Variants in EMC10 observed in about 807,000 individuals in gnomAD.
The protein encoded by EMC10 is ER membrane protein complex subunit 10.
EMC10 carries 40 observed loss-of-function variants against 32.2 expected under a neutral mutation model. The ratio of observed to expected loss-of-function variants is 1.24; its 90% CI spans 0.96 to 1.61. The LOEUF is 1.61. Among genes scored for constraint, EMC10 ranks in the 40% most tolerant of loss-of-function variants. The pLI, the probability that EMC10 is intolerant of heterozygous loss-of-function variation, is 0.00. For synonymous variants in EMC10, 178 were observed against 158.4 expected (o/e 1.12, Z -0.93); for missense variants, 402 against 357.7 (o/e 1.12, Z -1.00).
At chr19:50,478,040 G>A in intron 2 of EMC10, 39 bp downstream of exon 2, 1 of 1,534,966 alleles carries the variant, frequency 6.5e-7, no homozygotes, top group South Asian at 1.2e-5. Flanking sequence ...ACTTAACATT[G>A]GTGCCCTGAG....
intron 1 of EMC10, chr19:50,477,234 C>T (rs2122653927): frequency 6.6e-6 from 1 of 152,484 alleles, no homozygotes; most frequent in African/African-American, 2.4e-5. Context: ...GAAACCCCGT[C>T]TCTACTAAAA....
At position 50,480,936 on chromosome 19, in the gene EMC10, G is replaced by A. The variant is rs745782005; in HGVS notation, c.637G>A (p.Ala213Thr). Residue 213 changes from alanine (A) to threonine (T), a missense_variant, in exon 6 of 7, where the codon GCC becomes ACC. By Grantham distance (58) the Ala-to-Thr change is moderately conservative. Coordinates refer to ENST00000334976, the MANE Select transcript of EMC10 (RefSeq NM_206538.4). This position sits in a 1 kb window ranked among gnomAD's most constrained non-coding sequence, Gnocchi z 4.4. ...ERLEMEQAQK[A>T]KNPQEQKSFF... ...CCTGGAGATGGAACAGGCCCAGAAG[G>A]CCAAGAACCCCCAGGAGCAGAAGTC... 1.1e-5 allele frequency: 17 copies of A among 1,612,832 alleles called. No individual in the cohort carries two copies. The Middle Eastern group carries it at 4.9e-4, about 47-fold the overall frequency.
At chr19:50,477,908 G>T in intron 1 of EMC10, 21 bp from the exon 2 acceptor site, 1 of 1,591,528 alleles carries the variant, frequency 6.3e-7, no homozygotes, top group East Asian at 2.3e-5. Context: ...CCTCACCTGG[G>T]GCCTTCTGTG....
At position 50,481,955 on chromosome 19, in the gene EMC10, C is replaced by T. The variant is rs751453975; in HGVS notation, c.679-194C>T. ...CCGCCACAGGAGGCCTGAGTGAGGACCGAGACCCCTGCCCCTCCCTGCGCC... is the reference window on the plus strand; with the variant it reads ...CCGCCACAGGAGGCCTGAGTGAGGATCGAGACCCCTGCCCCTCCCTGCGCC... On this transcript the variant is annotated intron_variant, in intron 6 of 6. Transcript: ENST00000334976. The T allele has an allele frequency of 6.8e-6, 11 of 1,608,022 alleles. No individual in the cohort carries two copies. The Admixed American group carries it at 1.5e-4, about 22-fold the overall frequency.
Position 50,477,967 on chromosome 19 carries a change from G to A in EMC10, c.153G>A (p.Thr51=), listed in dbSNP as rs1400645278. ...AEGREGEACG[T]VGLLLEHSFE... ...GTCGAGAGGGCGAGGCCTGTGGCAC[G>A]GTGGGGCTGCTGCTGGAGCACTCAT... The change falls in exon 2 of 7, where the codon ACG becomes ACA. Residue 51 remains threonine (T), a synonymous_variant. Coordinates refer to ENST00000334976, the MANE Select transcript of EMC10 (RefSeq NM_206538.4). 5 of 1,602,410 alleles carry A rather than the reference G, an allele frequency of 3.1e-6. No homozygotes were observed. Among genetic ancestry groups the A allele is most frequent in the Admixed American group, 1.8e-5 (1 of 56,592 alleles).
At chr19:50,477,492 G>C (rs1260832792) in intron 1 of EMC10, among the ~76,000 whole-genome samples, 1 of 152,224 alleles carries the variant, frequency 6.6e-6, no homozygotes, top group Non-Finnish European at 1.5e-5. Flanking sequence ...CAAGTTTGGA[G>C]GTTGGAGAAA....
chr19:50,483,309 G>A lies in EMC10; in HGVS notation c.*1050G>A, dbSNP rs1601329999. 2 of 353,006 alleles carry A rather than the reference G, an allele frequency of 5.7e-6. No homozygotes were observed. Among genetic ancestry groups the A allele is most frequent in the South Asian group, 2.1e-5 (1 of 46,648 alleles). The allele number at this position is 353,006 out of a possible 1,614,324, so 21.9% of individuals were successfully genotyped here. On this transcript the variant is annotated 3_prime_UTR_variant, in exon 7 of 7. Coordinates refer to ENST00000334976, the MANE Select transcript of EMC10 (RefSeq NM_206538.4). ...ATGTGGCTGTGTGGAGCTCAGCTGT[G>A]TTGTGTGGCAGTTTATTAAACTGTC... is the stretch of plus-strand genomic sequence containing the variant.
Position 50,490,173 on chromosome 19 carries a change from G to A in EMC10, c.*7914G>A, listed in dbSNP as rs929486835. 3 of 151,768 alleles carry A rather than the reference G, an allele frequency of 2.0e-5. No homozygotes were observed. The highest frequency in any genetic ancestry group is 7.3e-5 in the African/African-American group (3 of 41,278). 9.4% of individuals were successfully genotyped at this position (151,768 alleles called of 1,614,324 possible). Reference sequence around the variant, plus strand: ...TGTGTTGCCCAAGCTAGAGTGCAGTGGCGCGATCTCGGCTCACTGCAAACT... The same window carrying A: ...TGTGTTGCCCAAGCTAGAGTGCAGTAGCGCGATCTCGGCTCACTGCAAACT... On this transcript the variant is annotated 3_prime_UTR_variant, in exon 7 of 7. Coordinates refer to ENST00000334976, the MANE Select transcript of EMC10 (RefSeq NM_206538.4).
chr19:50,478,642 C>A (rs927383793), intron 2 of EMC10, among the ~76,000 whole-genome samples: 1 of 152,154 alleles, frequency 6.6e-6, no homozygotes, highest in Non-Finnish European at 1.5e-5. Flanking sequence ...TTCCTGAACT[C>A]CACAGCCTCC....
chr19:50,477,153 A>T (rs988014295), intron 1 of EMC10: 2 of 152,662 alleles, frequency 1.3e-5, no homozygotes, highest in African/African-American at 4.8e-5. Context: ...TTGTAATCCC[A>T]GCACTTCGGG....
intron 2 of EMC10, among the ~76,000 whole-genome samples, chr19:50,478,284 G>A (rs965001390): frequency 2.6e-5 from 4 of 152,180 alleles, no homozygotes; most frequent in Non-Finnish European, 2.9e-5. Context: ...GCGGTTCCAC[G>A]CTTTGCAAGT....
rs1555801737 is a variant in EMC10 at position 50,488,311 on chromosome 19, A to AAG, written c.*6053_*6054insGA. The AAG allele has an allele frequency of 3.3e-5, 5 of 149,996 alleles. No homozygotes were observed. Among genetic ancestry groups the AAG allele is most frequent in the Non-Finnish European group, 7.4e-5 (5 of 67,846 alleles). 9.3% of individuals were successfully genotyped at this position (149,996 alleles called of 1,614,324 possible). A position where few individuals can be genotyped will look rare whatever the true frequency, so the allele number is the denominator to read the frequency against. On this transcript the variant is annotated 3_prime_UTR_variant, in exon 7 of 7. Coordinates refer to ENST00000334976, the MANE Select transcript of EMC10 (RefSeq NM_206538.4). ...ACTCCGTCTCAAAAAAAAAAAAAAA[A>AAG]AAAAAAAGAAAAGATGGCCAGAGCA...
chr19:50,477,274 G>A (rs1269167846), intron 1 of EMC10: 1 of 152,372 alleles, frequency 6.6e-6, no homozygotes, highest in African/African-American at 2.4e-5. Flanking sequence ...GTGGTGGCAG[G>A]TGCCTGTAAT....
intron 2 of EMC10, among the ~76,000 whole-genome samples, chr19:50,478,255 C>G (rs748854808): frequency 4.6e-5 from 7 of 152,192 alleles, no homozygotes; most frequent in African/African-American, 7.2e-5. Context: ...CCTGATCAGT[C>G]GCCACGTGCC....
chr19:50,486,988 G>C lies in EMC10; in HGVS notation c.*4729G>C, dbSNP rs921219022. On this transcript the variant is annotated 3_prime_UTR_variant, in exon 7 of 7. Transcript: ENST00000334976. ...CGGTGTCTCATATAGCTGGGTTGCAGCTCCGTTCTTTGCCAGGAGGTGGTA... is the reference window on the plus strand; with the variant it reads ...CGGTGTCTCATATAGCTGGGTTGCACCTCCGTTCTTTGCCAGGAGGTGGTA... 1 of 152,056 alleles carries C rather than the reference G, an allele frequency of 6.6e-6. No homozygotes were observed. Among genetic ancestry groups the C allele is most frequent in the Non-Finnish European group, 1.5e-5 (1 of 68,020 alleles). The allele number at this position is 152,056 out of a possible 1,614,324, so 9.4% of individuals were successfully genotyped here. A position where few individuals can be genotyped will look rare whatever the true frequency, so the allele number is the denominator to read the frequency against.
chr19:50,482,571 C>T lies in EMC10; in HGVS notation c.*312C>T. 1 of 531,368 alleles carries T rather than the reference C, an allele frequency of 1.9e-6. No homozygotes were observed. The highest frequency in any genetic ancestry group is 2.9e-5 in the South Asian group (1 of 34,444). The allele number at this position is 531,368 out of a possible 1,614,324, so 32.9% of individuals were successfully genotyped here. On this transcript the variant is annotated 3_prime_UTR_variant, in exon 7 of 7. Transcript: ENST00000334976. ...GGCCACTATGCCAGTTCTGACCTCG[C>T]ATCCCCCTACCCCGAGCCCATGCAG... is the stretch of plus-strand genomic sequence containing the variant.
At chr19:50,476,921 G>T (rs2040235053) in intron 1 of EMC10, 2 of 379,682 alleles carry the variant, frequency 5.3e-6, no homozygotes, top group Non-Finnish European at 9.4e-6. Flanking sequence ...GGCTGGGGGT[G>T]TGGAATCTTG....
In EMC10 at chr19:50,488,234, T is replaced by G. The variant is rs1978445550; in HGVS notation, c.*5975T>G. The G allele has an allele frequency of 7.6e-6, 1 of 131,072 alleles. No homozygotes were observed. Among genetic ancestry groups the G allele is most frequent in the African/African-American group, 2.9e-5 (1 of 34,928 alleles). 8.1% of individuals were successfully genotyped at this position (131,072 alleles called of 1,614,324 possible). ...TGGCGTGAACCCTGGAGGCGGAGCT[T>G]GCAGTGAGCCGAGATTGCGCCACTG... is the stretch of plus-strand genomic sequence containing the variant. On this transcript the variant is annotated 3_prime_UTR_variant, in exon 7 of 7. Coordinates refer to ENST00000334976, the MANE Select transcript of EMC10 (RefSeq NM_206538.4).
chr19:50,480,994 C>A lies in EMC10; in HGVS notation c.678+17C>A. 2 of 1,586,110 alleles carry A rather than the reference C, an allele frequency of 1.3e-6. No homozygotes were observed. The highest frequency in any genetic ancestry group is 1.1e-5 in the South Asian group (1 of 88,346). On this transcript the variant is annotated intron_variant, in intron 6 of 6. Coordinates refer to ENST00000334976, the MANE Select transcript of EMC10 (RefSeq NM_206538.4). This position sits in a 1 kb window ranked among gnomAD's most constrained non-coding sequence, Gnocchi z 4.4. ...GCCAAATACGTGAGTGGGGCTCCCCCGCCTCCCCTATTCCCTTCCTGACAG... is the reference window on the plus strand; with the variant it reads ...GCCAAATACGTGAGTGGGGCTCCCCAGCCTCCCCTATTCCCTTCCTGACAG...
Sources: allele counts gnomAD v4.1 joint callset (sites outside exome capture counted in the v4.1 genomes callset), GRCh38; gene constraint gnomAD v4.1.1; non-coding constraint Gnocchi (gnomAD v3.1); transcripts MANE v1.5; gene names NCBI Gene and HGNC (gene_info 2026-07-23, HGNC 2026-07-21).